The following WARS2 variants were observed in gnomAD, a reference collection of about 807,000 sequenced individuals.
The protein encoded by WARS2 is tryptophanyl tRNA synthetase 2, mitochondrial.
Under a neutral mutation model 36.5 loss-of-function variants are expected in WARS2, and 28 were observed. That is an observed-to-expected ratio of 0.77 (90% CI 0.57 to 1.05). The LOEUF (loss-of-function observed/expected upper bound fraction) is 1.05, where lower values mean the gene tolerates loss of function less well. WARS2 is among the 50% of genes least tolerant of loss of function. The probability of loss-of-function intolerance (pLI) is 0.00; values close to 1 mark genes in which losing one functional copy is unlikely to be tolerated. For synonymous variants in WARS2, 174 were observed against 178.4 expected (o/e 0.98, Z 0.20); for missense variants, 435 against 456.8 (o/e 0.95, Z 0.44).
intron 1 of WARS2, among the ~76,000 whole-genome samples, chr1:119,130,961 C>T (rs756838517): frequency 1.5e-4 from 23 of 152,110 alleles, no homozygotes; most frequent in Non-Finnish European, 3.1e-4. Flanking sequence ...TGGTATGGTG[C>T]ATACTAAACT....
chr1:119,040,886 G>A (rs1557934926), intron 4 of WARS2, among the ~76,000 whole-genome samples: 2 of 152,064 alleles, frequency 1.3e-5, no homozygotes, highest in African/African-American at 4.8e-5. Flanking sequence ...ACTTTCATTT[G>A]TTACTTATTG....
At chr1:119,064,575 G>A (rs913544819) in intron 2 of WARS2, 1 of 152,192 alleles carries the variant, frequency 6.6e-6, no homozygotes, top group African/African-American at 2.4e-5. Flanking sequence ...CCCAGTGGGA[G>A]GTAATTGAAT....
chr1:119,034,481 G>A (rs1051496422), intron 4 of WARS2, among the ~76,000 whole-genome samples: 4 of 152,140 alleles, frequency 2.6e-5, no homozygotes, highest in African/African-American at 9.7e-5. Context: ...TGGGAGGGAG[G>A]AATGGGATTT....
rs1339039670 is a variant in WARS2 at position 119,042,269 on chromosome 1, C to T, written c.510G>A (p.Leu170=). 1.9e-6 allele frequency: 3 copies of T among 1,613,790 alleles called. No individual in the cohort carries two copies. The Admixed American group carries it at 5.0e-5, about 27-fold the overall frequency. ...YPVLQAADIL[L]YKSTHVPVGE... ...GGGCTGAACTCTCTTCTTACTTGTACAACAGAATGTCGGCTGCCTGGAGTA... is the reference window on the plus strand; with the variant it reads ...GGGCTGAACTCTCTTCTTACTTGTATAACAGAATGTCGGCTGCCTGGAGTA... The change falls in exon 4 of 6, where the codon TTG becomes TTA. Residue 170 remains leucine (L), a synonymous_variant. Transcript: ENST00000235521.
At chr1:119,094,383 C>T (rs1653266776) in intron 1 of WARS2, among the ~76,000 whole-genome samples, 1 of 151,540 alleles carries the variant, frequency 6.6e-6, no homozygotes, top group African/African-American at 2.4e-5. Context: ...CTTTTTTTTC[C>T]CCCTTTGAAA....
At position 119,092,639 on chromosome 1, in the gene WARS2, G is replaced by C. The variant is rs79603558; in HGVS notation, c.91-16032C>G. ...TCCTTCCTTTCCCTTACCAGATTCT[G>C]TTGGTTCAAATCCTGCCTCCTCCAA... On this transcript the variant is annotated intron_variant, in intron 1 of 5. Transcript: ENST00000235521. Among the ~76,000 whole-genome samples the C allele has an allele frequency of 3.9e-5, 6 of 152,150 alleles. No individual in the cohort carries two copies. The East Asian group carries it at 1.2e-3, about 29-fold the overall frequency.
chr1:119,128,492 T>C (rs2101560424), intron 1 of WARS2, among the ~76,000 whole-genome samples: 1 of 152,308 alleles, frequency 6.6e-6, no homozygotes, highest in Admixed American at 6.5e-5. Flanking sequence ...GTCTCCCTTT[T>C]TTAATTCCTC....
At chr1:119,042,164 G>T in intron 4 of WARS2, 100 bp downstream of exon 4, 2 of 1,037,062 alleles carry the variant, frequency 1.9e-6, no homozygotes, top group Non-Finnish European at 2.9e-6. Context: ...GACGCTTTCT[G>T]CACTTCCCCT....
At chr1:119,130,287 C>T (rs1209345944) in intron 1 of WARS2, among the ~76,000 whole-genome samples, 1 of 152,182 alleles carries the variant, frequency 6.6e-6, no homozygotes. Context: ...CTAGACAGTC[C>T]TTTGAGACAA....
chr1:119,037,646 A>G (rs1189677149), intron 4 of WARS2, among the ~76,000 whole-genome samples: 1 of 152,222 alleles, frequency 6.6e-6, no homozygotes, highest in Non-Finnish European at 1.5e-5. Context: ...TTTACTTTCT[A>G]AAGATTTAAG....
chr1:119,074,405 T>A (rs906307337), intron 2 of WARS2, among the ~76,000 whole-genome samples: 5 of 152,210 alleles, frequency 3.3e-5, no homozygotes, highest in African/African-American at 1.2e-4. Flanking sequence ...GATTTATTGT[T>A]TTTTACAGAG....
chr1:119,055,520 T>C (rs1275319665), intron 2 of WARS2, among the ~76,000 whole-genome samples: 3 of 152,242 alleles, frequency 2.0e-5, no homozygotes, highest in South Asian at 2.1e-4. Flanking sequence ...TGCGCACCTA[T>C]AGTCCCAGCT....
At chr1:119,044,053 A>G (rs1263179625) in intron 3 of WARS2, among the ~76,000 whole-genome samples, 2 of 152,224 alleles carry the variant, frequency 1.3e-5, no homozygotes, top group Non-Finnish European at 2.9e-5. Context: ...CAAACAGACT[A>G]TAAGTCTCAC....
intron 1 of WARS2, among the ~76,000 whole-genome samples, chr1:119,092,736 A>G (rs1308551535): frequency 6.6e-6 from 1 of 152,218 alleles, no homozygotes; most frequent in Non-Finnish European, 1.5e-5. Context: ...TTTTAATAGT[A>G]CTGATTTATA....
intron 2 of WARS2, among the ~76,000 whole-genome samples, chr1:119,072,502 AG>A (rs1458215812): frequency 1.3e-5 from 2 of 152,252 alleles, no homozygotes; most frequent in African/African-American, 4.8e-5. Context: ...GAAAAAAAGT[AG>A]AAGCATAAAA....
intron 1 of WARS2, among the ~76,000 whole-genome samples, chr1:119,103,377 T>A (rs918613844): frequency 6.6e-6 from 1 of 152,140 alleles, no homozygotes; most frequent in Non-Finnish European, 1.5e-5. Context: ...GTAATTCACA[T>A]CCCAACATTT....
At chr1:119,058,177 A>G (rs1650000425) in intron 2 of WARS2, among the ~76,000 whole-genome samples, 1 of 152,090 alleles carries the variant, frequency 6.6e-6, no homozygotes, top group African/African-American at 2.4e-5. Flanking sequence ...TCTCCCTCAC[A>G]TGGACATCTA....
At chr1:119,085,344 T>C (rs1652550292) in intron 1 of WARS2, 3 of 1,357,386 alleles carry the variant, frequency 2.2e-6, no homozygotes, top group Non-Finnish European at 3.2e-6. Flanking sequence ...CTCCTAGTTC[T>C]TGCTGCTGTG....
chr1:119,132,362 T>C (rs1313957699), intron 1 of WARS2, among the ~76,000 whole-genome samples: 1 of 152,170 alleles, frequency 6.6e-6, no homozygotes, highest in African/African-American at 2.4e-5. Context: ...AGGTAGCTAG[T>C]AGCCAGTCGG....
Sources: gnomAD v4.1 joint callset for allele counts (sites outside exome capture counted in the v4.1 genomes callset) on GRCh38, gnomAD v4.1.1 for gene constraint, MANE v1.5 for transcripts, NCBI Gene and HGNC (gene_info 2026-07-23, HGNC 2026-07-21) for gene names.